The following COL4A1 variants were observed in gnomAD, a reference collection of about 807,000 sequenced individuals.
COL4A1 encodes collagen type IV alpha 1 chain.
In COL4A1, 40 loss-of-function variants were observed where a neutral mutation model predicts 216.6. The observed-to-expected ratio is 0.18, with a 90% CI of 0.14 to 0.24. The LOEUF is 0.24. Among genes scored for constraint, COL4A1 ranks in the 10% least tolerant of loss-of-function variants. The pLI is 1.00. For missense variants in COL4A1, 1,628 were observed against 2,196.8 expected, an observed-to-expected ratio of 0.74 and a Z score of 5.18; for synonymous variants, 839 against 810.7, an observed-to-expected ratio of 1.03 and a Z score of -0.59.
chr13:110,282,604 C>T (rs1167645183), intron 1 of COL4A1, among the ~76,000 whole-genome samples: 1 of 152,160 alleles, frequency 6.6e-6, no homozygotes, highest in Non-Finnish European at 1.5e-5. Context: ...AATTTTGAGG[C>T]CCTGCCAAGG....
At chr13:110,167,258 T>C in intron 43 of COL4A1, 28 bp from the exon 44 acceptor site, 10 of 1,556,268 alleles carry the variant, frequency 6.4e-6, no homozygotes, top group Non-Finnish European at 8.9e-6. Context: ...AGGTTGGGAA[T>C]TGCTCAGGAT....
chr13:110,192,724 G>A (rs992090754), intron 23 of COL4A1, 106 bp downstream of exon 23: 2 of 887,906 alleles, frequency 2.3e-6, no homozygotes, highest in Non-Finnish European at 3.6e-6. Context: ...CTTTAGGATT[G>A]GCTGCCGAAA....
chr13:110,161,892 C>T (rs1209621074), intron 48 of COL4A1: 1 of 382,896 alleles, frequency 2.6e-6, no homozygotes, highest in East Asian at 5.7e-5. Flanking sequence ...ATGGTTAAGC[C>T]GCATCAATGC....
At chr13:110,201,714 T>A in intron 18 of COL4A1, 192 bp from the exon 19 acceptor site, 1 of 733,344 alleles carries the variant, frequency 1.4e-6, no homozygotes, top group Non-Finnish European at 2.5e-6. Context: ...GCCGGTGCGG[T>A]GGCTCACGCC....
Position 110,174,611 on chromosome 13 carries a change from C to T in COL4A1, c.3325+12G>A, listed in dbSNP as rs1339058349. ...AGATTCCCCAAGTCCAAGAGAAGCCCCCCTCACCTACCTGGATAGCCAACA... is the reference window on the plus strand; with the variant it reads ...AGATTCCCCAAGTCCAAGAGAAGCCTCCCTCACCTACCTGGATAGCCAACA... On this transcript the variant is annotated intron_variant, in intron 38 of 51. Transcript: ENST00000375820. The T allele has an allele frequency of 6.2e-7, 1 of 1,613,982 alleles. No homozygotes were observed. The highest frequency in any genetic ancestry group is 1.3e-5 in the African/African-American group (1 of 74,892).
At chr13:110,227,949 G>A (rs1880820206) in intron 2 of COL4A1, among the ~76,000 whole-genome samples, 1 of 152,190 alleles carries the variant, frequency 6.6e-6, no homozygotes, top group Non-Finnish European at 1.5e-5. Flanking sequence ...GGTCCCTGCG[G>A]TCCCTAAATA....
At chr13:110,179,993 A>G (rs1325143905) in intron 29 of COL4A1, among the ~76,000 whole-genome samples, 1 of 152,226 alleles carries the variant, frequency 6.6e-6, no homozygotes, top group Non-Finnish European at 1.5e-5. Context: ...ATTTAGGCAT[A>G]GATGTGAGGC....
At chr13:110,194,912 C>A (rs983556411) in intron 22 of COL4A1, 111 bp downstream of exon 22, 16 of 810,366 alleles carry the variant, frequency 2.0e-5, no homozygotes, top group Middle Eastern at 4.5e-4. Context: ...ATAAAAGGAA[C>A]CTACGCCCTA....
chr13:110,173,887 C>A lies in COL4A1; in HGVS notation c.3505+13G>T, dbSNP rs762177611. On this transcript the variant is annotated intron_variant, in intron 40 of 51. Coordinates refer to ENST00000375820, the MANE Select transcript of COL4A1 (RefSeq NM_001845.6). ...CTGCTGATTCTGATAGGGAATGGGG[C>A]GTTGGGCCATACCTGGTTCACCCTT... The A allele has an allele frequency of 1.9e-6, 3 of 1,613,892 alleles. No homozygotes were observed. The African/African-American group carries it at 4.0e-5, about 22-fold the overall frequency.
intron 11 of COL4A1, 89 bp from the exon 12 acceptor site, chr13:110,208,979 G>T: frequency 7.5e-7 from 1 of 1,337,272 alleles, no homozygotes; most frequent in Non-Finnish European, 1.1e-6. Flanking sequence ...GCAATAAGAT[G>T]GTAGATTTCA....
rs1878893691 is a variant in COL4A1, at chr13:110,196,454, T to C, written c.1286-1336A>G. ...CTCTCATCCCTGTGAGCCTAGGGTA[T>C]ACTAATTCCTTGACTCTAGAAATGT... On this transcript the variant is annotated intron_variant, in intron 21 of 51. Transcript: ENST00000375820. Among the ~76,000 whole-genome samples the C allele has an allele frequency of 2.0e-5, 3 of 152,246 alleles. No homozygotes were observed. In the South Asian group the frequency reaches 6.2e-4, roughly 31 times the overall value.
At chr13:110,186,683 C>T (rs1878420945) in intron 25 of COL4A1, 130 bp from the exon 26 acceptor site, 6 of 1,209,272 alleles carry the variant, frequency 5.0e-6, no homozygotes, top group Non-Finnish European at 6.9e-6. Flanking sequence ...TTTACTTCAT[C>T]TACCCTCCCA....
At chr13:110,170,522 C>G (rs774208907) in intron 42 of COL4A1, 25 bp downstream of exon 42, 1 of 1,579,444 alleles carries the variant, frequency 6.3e-7, no homozygotes, top group South Asian at 1.1e-5. Context: ...GTCCTCAGCC[C>G]TGGCCCCTGG....
intron 1 of COL4A1, among the ~76,000 whole-genome samples, chr13:110,243,940 G>A (rs1381607528): frequency 3.3e-5 from 5 of 152,108 alleles, no homozygotes; most frequent in African/African-American, 4.8e-5. Context: ...GTACATACAC[G>A]CACTTGCAAT....
chr13:110,209,602 G>A (rs186660094), intron 10 of COL4A1, among the ~76,000 whole-genome samples, 175 bp from the exon 11 acceptor site: 148 of 152,284 alleles, frequency 9.7e-4, no homozygotes, highest in African/African-American at 3.4e-3. Context: ...ACCCTCAGGT[G>A]TGACCATACC....
In COL4A1 at chr13:110,191,646, G is replaced by A. The variant is rs1878631993; in HGVS notation, c.1536+568C>T. 2.9e-6 allele frequency: 2 copies of A among 687,042 alleles called. No individual in the cohort carries two copies. The highest frequency in any genetic ancestry group is 2.2e-5 in the Admixed American group (1 of 46,406). 42.6% of individuals were successfully genotyped at this position (687,042 alleles called of 1,614,324 possible). On this transcript the variant is annotated intron_variant, in intron 24 of 51. Coordinates refer to ENST00000375820, the MANE Select transcript of COL4A1 (RefSeq NM_001845.6). ...ATATTTCATTTATGGATTTGAAAAA[G>A]CAACTGCACAATAGATGTTGTAACA...
In COL4A1 at chr13:110,306,944, C is replaced by A. The variant is rs534258213; in HGVS notation, c.84G>T (p.Lys28Asn). The change falls in exon 1 of 52, where the codon AAG becomes AAT. Residue 28 changes from lysine to asparagine, a missense_variant and splice_region_variant. Lys to Asn is a moderately conservative substitution (Grantham distance 94). Transcript: ENST00000375820. Reference sequence around the variant, plus strand: ...GGAGCGGAGCTGGCCGGGAACTCACCTTCGCAGCGGCCCGGCTGTGCTCCT... The same window carrying A: ...GGAGCGGAGCTGGCCGGGAACTCACATTCGCAGCGGCCCGGCTGTGCTCCT... Reference protein sequence around the residue: ...LHEEHSRAAAKGGCAGSGCGK... With the variant: ...LHEEHSRAAANGGCAGSGCGK... 1 of 1,472,460 alleles carries A rather than the reference C, an allele frequency of 6.8e-7. No individual in the cohort carries two copies. The allele number at this position is 1,472,460 out of a possible 1,614,324, so 91.2% of individuals were successfully genotyped here.
chr13:110,187,479 C>T, intron 24 of COL4A1, 150 bp from the exon 25 acceptor site: 1 of 878,736 alleles, frequency 1.1e-6, no homozygotes, highest in South Asian at 1.5e-5. Context: ...TAGATGCAAG[C>T]CAGGAGCTCT....
Position 110,181,381 on chromosome 13 carries a change from C to A in COL4A1, c.2104G>T (p.Gly702Cys). 1 of 1,612,708 alleles carries A rather than the reference C, an allele frequency of 6.2e-7. No homozygotes were observed. The highest frequency in any genetic ancestry group is 2.2e-5 in the East Asian group (1 of 44,826). Reference protein sequence around the residue: ...PGPPGPKGVDGLPGDMGPPGT... With the variant: ...PGPPGPKGVDCLPGDMGPPGT... ...GGTGGCCCCATGTCTCCAGGTAAGC[C>A]GTCAACACCTGTTTTAAAGAGTCAA... Residue 702 changes from glycine (G) to cysteine (C), a missense_variant, in exon 29 of 52, where the codon GGC becomes TGC. By Grantham distance (159) the Gly-to-Cys change is radical (BLOSUM62 -3). Around this residue, in one of 8 missense-constraint regions of COL4A1, gnomAD observed 701 missense variants for 892.5 expected, o/e 0.79. Coordinates refer to ENST00000375820, the MANE Select transcript of COL4A1 (RefSeq NM_001845.6).
Sources: gnomAD v4.1 joint callset for allele counts (sites outside exome capture counted in the v4.1 genomes callset) on GRCh38, gnomAD v4.1.1 for gene constraint, gnomAD v4.1.1 regional missense constraint, MANE v1.5 for transcripts, NCBI Gene and HGNC (gene_info 2026-07-23, HGNC 2026-07-21) for gene names.